Variants in IFIH1 observed in about 807,000 individuals in gnomAD.
The protein encoded by IFIH1 is interferon induced with helicase C domain 1.
Under a neutral mutation model 107.4 loss-of-function variants are expected in IFIH1, and 125 were observed. That is an observed-to-expected ratio of 1.16 (90% CI 1.01 to 1.35). IFIH1 has a LOEUF of 1.35. Among genes scored for constraint, IFIH1 ranks in the 40% most tolerant of loss-of-function variants. The pLI, the probability that IFIH1 is intolerant of heterozygous loss-of-function variation, is 0.00. For missense variants in IFIH1, 1,333 were observed against 1,213.7 expected (o/e 1.10, Z -1.46); for synonymous variants, 458 against 413.2 (o/e 1.11, Z -1.31).
In IFIH1 at chr2:162,277,482, A is replaced by T. The variant is rs1190170498; in HGVS notation, c.1977T>A (p.Asp659Glu). The change falls in exon 10 of 16, where the codon GAT becomes GAA. Residue 659 changes from aspartate to glutamate, a missense_variant. Coordinates refer to ENST00000649979, the MANE Select transcript of IFIH1 (RefSeq NM_022168.4). ...GDDEYCDGDE[D>E]EDDLKKPLKL... ...TCAAAGGTTTCTTTAAATCATCCTC[A>T]TCTTCATCACCATCACAATACTCAT... 6.2e-7 allele frequency: 1 copy of T among 1,603,658 alleles called. No homozygotes were observed. The highest frequency in any genetic ancestry group is 2.2e-5 in the East Asian group (1 of 44,752).
intron 2 of IFIH1, 93 bp from the exon 3 acceptor site, chr2:162,306,948 G>C: frequency 8.0e-6 from 9 of 1,119,848 alleles, no homozygotes; most frequent in Non-Finnish European, 1.2e-5. Flanking sequence ...AAACAAACTA[G>C]AGGTTCCTAA....
At chr2:162,306,528 T>C (rs1206323120) in intron 3 of IFIH1, among the ~76,000 whole-genome samples, 181 bp downstream of exon 3, 1 of 152,232 alleles carries the variant, frequency 6.6e-6, no homozygotes, top group East Asian at 1.9e-4. Context: ...ATTGGATTAG[T>C]TTTAGAAAGC....
intron 1 of IFIH1, among the ~76,000 whole-genome samples, chr2:162,317,480 C>A (rs138863483): frequency 3.3e-5 from 5 of 152,172 alleles, no homozygotes; most frequent in African/African-American, 7.2e-5. Flanking sequence ...ATTTAACCTG[C>A]CTCAGGTTTC....
At chr2:162,306,550 G>T (rs1052365958) in intron 3 of IFIH1, among the ~76,000 whole-genome samples, 159 bp downstream of exon 3, 8 of 152,110 alleles carry the variant, frequency 5.3e-5, no homozygotes, top group African/African-American at 1.7e-4. Context: ...TTTTGGCCAA[G>T]AATTATTTTA....
chr2:162,281,259 T>A, intron 7 of IFIH1, 69 bp downstream of exon 7: 1 of 1,220,602 alleles, frequency 8.2e-7, no homozygotes, highest in Non-Finnish European at 1.2e-6. Flanking sequence ...TCTTATTTAA[T>A]AAGACCAAGA....
At chr2:162,291,023 T>A (rs780494803) in intron 4 of IFIH1, among the ~76,000 whole-genome samples, 20 of 151,844 alleles carry the variant, frequency 1.3e-4, no homozygotes, top group Non-Finnish European at 2.7e-4. Flanking sequence ...TTGTTTGTTG[T>A]TTGTTTGTTT....
chr2:162,301,657 C>A (rs923106638), intron 3 of IFIH1, among the ~76,000 whole-genome samples: 1 of 152,160 alleles, frequency 6.6e-6, no homozygotes, highest in Non-Finnish European at 1.5e-5. Context: ...GACTGCACAA[C>A]TAATTTAACT....
intron 1 of IFIH1, among the ~76,000 whole-genome samples, chr2:162,316,250 C>G (rs1308126809): frequency 6.6e-6 from 1 of 152,240 alleles, no homozygotes; most frequent in African/African-American, 2.4e-5. Context: ...TTACTGGACT[C>G]TGTTGCTTCT....
At chr2:162,280,631 A>T (rs986029706) in intron 7 of IFIH1, among the ~76,000 whole-genome samples, 4 of 152,082 alleles carry the variant, frequency 2.6e-5, no homozygotes, top group African/African-American at 9.7e-5. Context: ...GATTGGAATT[A>T]GTCCTTAATC....
At chr2:162,280,301 G>T (rs911143595) in intron 7 of IFIH1, among the ~76,000 whole-genome samples, 189 bp from the exon 8 acceptor site, 1 of 151,874 alleles carries the variant, frequency 6.6e-6, no homozygotes, top group Non-Finnish European at 1.5e-5. Context: ...TTTTATTATG[G>T]ATCTCATTAA....
Position 162,318,561 on chromosome 2 carries a change from C to T in IFIH1, c.-254G>A. On this transcript the variant is annotated 5_prime_UTR_variant, in exon 1 of 16. Transcript: ENST00000649979. ...CGGGGCCGCGGCAGGCAGGTGCGGC[C>T]GGCAGGCGCGGCACTTTGGACTCTG... 1 of 248,472 alleles carries T rather than the reference C, an allele frequency of 4.0e-6. No homozygotes were observed. The highest frequency in any genetic ancestry group is 7.5e-6 in the Non-Finnish European group (1 of 132,660). 15.4% of individuals were successfully genotyped at this position (248,472 alleles called of 1,614,324 possible).
chr2:162,288,510 G>T (rs887187748), intron 4 of IFIH1, among the ~76,000 whole-genome samples, 155 bp from the exon 5 acceptor site: 2 of 151,988 alleles, frequency 1.3e-5, no homozygotes, highest in African/African-American at 4.8e-5. Context: ...ATTAATGTCT[G>T]CTCTCTGCAT....
In IFIH1 at chr2:162,318,616, C is replaced by G. The variant is rs1576244089; in HGVS notation, c.-309G>C. ...GTGCGCCTGGGGTCCCGGACCGGGG[C>G]GATCCTGCTGCACACTCGGGTAGGA... On this transcript the variant is annotated 5_prime_UTR_variant, in exon 1 of 16. Transcript: ENST00000649979. 1 of 190,784 alleles carries G rather than the reference C, an allele frequency of 5.2e-6. No individual in the cohort carries two copies. The highest frequency in any genetic ancestry group is 6.2e-5 in the Admixed American group (1 of 16,242). 11.8% of individuals were successfully genotyped at this position (190,784 alleles called of 1,614,324 possible). A position where few individuals can be genotyped will look rare whatever the true frequency, so the allele number is the denominator to read the frequency against.
intron 1 of IFIH1, 113 bp downstream of exon 1, chr2:162,317,742 G>C (rs1481672199): frequency 1.2e-6 from 1 of 808,664 alleles, no homozygotes; most frequent in Non-Finnish European, 2.0e-6. Flanking sequence ...CTCAAAGGAA[G>C]AAACTAGATT....
At chr2:162,298,790 GCACACA>G (rs144124365) in intron 3 of IFIH1, among the ~76,000 whole-genome samples, 7 of 149,194 alleles carry the variant, frequency 4.7e-5, no homozygotes, top group African/African-American at 1.5e-4. Context: ...ACGCGCGCGC[GCACACA>G]CACACACACA....
chr2:162,282,402 A>C lies in IFIH1; in HGVS notation c.1270T>G (p.Leu424Val), dbSNP rs762510649. The change falls in exon 6 of 16, where the codon TTG becomes GTG. Residue 424 changes from leucine (L) to valine (V), a missense_variant. By Grantham distance (32) the Leu-to-Val change is conservative. Coordinates refer to ENST00000649979, the MANE Select transcript of IFIH1 (RefSeq NM_022168.4). ...ACACCAGCATCTTCTCCATTTTCCA[A>C]GTTTAAGAGGGAGTTTTCAAGGATT... Reference protein sequence around the residue: ...AQILENSLLNLENGEDAGVQL... With the variant: ...AQILENSLLNVENGEDAGVQL... 3 of 1,611,278 alleles carry C rather than the reference A, an allele frequency of 1.9e-6. No individual in the cohort carries two copies. Among genetic ancestry groups the C allele is most frequent in the Middle Eastern group, 1.7e-4 (1 of 6,044 alleles).
At chr2:162,291,296 T>C (rs1179725822) in intron 4 of IFIH1, among the ~76,000 whole-genome samples, 5 of 151,884 alleles carry the variant, frequency 3.3e-5, no homozygotes, top group Non-Finnish European at 7.4e-5. Context: ...GGTCTGTCAC[T>C]GCATGTGTTT....
chr2:162,289,401 C>T (rs1341490656), intron 4 of IFIH1, among the ~76,000 whole-genome samples: 2 of 151,524 alleles, frequency 1.3e-5, no homozygotes, highest in Non-Finnish European at 1.5e-5. Flanking sequence ...TCAAAAAATG[C>T]ATAGCTTATA....
chr2:162,307,162 T>C (rs988154537), intron 2 of IFIH1: 5 of 209,386 alleles, frequency 2.4e-5, no homozygotes, highest in African/African-American at 1.2e-4. Context: ...TATGGCAAGG[T>C]ACTTTTAATT....
Sources: allele counts gnomAD v4.1 joint callset (sites outside exome capture counted in the v4.1 genomes callset), GRCh38; gene constraint gnomAD v4.1.1; transcripts MANE v1.5; gene names NCBI Gene and HGNC (gene_info 2026-07-23, HGNC 2026-07-21).